The following RNF6 variants were observed in gnomAD, a reference collection of about 807,000 sequenced individuals.
The protein encoded by RNF6 is ring finger protein 6.
Under a neutral mutation model 50.1 loss-of-function variants are expected in RNF6, and 21 were observed. That is an observed-to-expected ratio of 0.42 (90% CI 0.30 to 0.60). RNF6 has a LOEUF of 0.60. Among genes scored for constraint, RNF6 ranks in the 20% least tolerant of loss-of-function variants. The pLI is 0.20. For synonymous variants in RNF6, 255 were observed against 291.8 expected, an observed-to-expected ratio of 0.87 and a Z score of 1.29; for missense variants, 698 against 838.2, an observed-to-expected ratio of 0.83 and a Z score of 2.07.
At chr13:26,156,826 T>C (rs886324318) in intron 5 of RNF6, among the ~76,000 whole-genome samples, 19 of 152,036 alleles carry the variant, frequency 1.2e-4, no homozygotes, top group African/African-American at 4.1e-4. Context: ...AAAAGACAAA[T>C]CAGTAGACCC....
chr13:26,144,030 G>A (rs890208963), intron 5 of RNF6, among the ~76,000 whole-genome samples: 1 of 152,148 alleles, frequency 6.6e-6, no homozygotes, highest in Non-Finnish European at 1.5e-5. Flanking sequence ...GCAGTCTAAT[G>A]TAATCAACCT....
At chr13:26,157,054 G>A (rs1047991854) in intron 5 of RNF6, among the ~76,000 whole-genome samples, 4 of 152,172 alleles carry the variant, frequency 2.6e-5, no homozygotes, top group Non-Finnish European at 4.4e-5. Context: ...GGTGTTGAGG[G>A]AAGTTGCAGT....
intron 5 of RNF6, among the ~76,000 whole-genome samples, chr13:26,146,353 T>C (rs536056440): frequency 6.6e-6 from 1 of 152,334 alleles, no homozygotes; most frequent in African/African-American, 2.4e-5. Context: ...CCTTTGGTGG[T>C]TGGGTGCTGC....
intron 5 of RNF6, chr13:26,154,308 T>C (rs1871792544): frequency 6.6e-6 from 1 of 152,248 alleles, no homozygotes; most frequent in Non-Finnish European, 1.5e-5. Context: ...CTGGTCCTTT[T>C]CTAGAGCTAT....
At chr13:26,209,462 A>AT (rs1330495922), downstream of RNF6, among the ~76,000 whole-genome samples, 1 of 152,136 alleles carries the variant, frequency 6.6e-6, no homozygotes, top group Non-Finnish European at 1.5e-5. Context: ...TTTTTGTTTG[A>AT]TTTTTATTCC....
intron 5 of RNF6, among the ~76,000 whole-genome samples, chr13:26,159,348 G>T (rs1259379254): frequency 6.6e-5 from 10 of 152,022 alleles, no homozygotes; most frequent in Admixed American, 2.0e-4. Flanking sequence ...TTTATTGCCG[G>T]GTGCGGTGGC....
chr13:26,137,847 G>A (rs1446642406), intron 5 of RNF6, among the ~76,000 whole-genome samples: 1 of 151,930 alleles, frequency 6.6e-6, no homozygotes, highest in South Asian at 2.1e-4. Flanking sequence ...AACAGTCTTA[G>A]AGACCTATGA....
intron 5 of RNF6, among the ~76,000 whole-genome samples, chr13:26,203,465 C>T (rs1183477468): frequency 6.6e-6 from 1 of 152,228 alleles, no homozygotes; most frequent in African/African-American, 2.4e-5. Flanking sequence ...CATGGAGGTG[C>T]ACCACTTAAG....
In RNF6 at chr13:26,219,435, T is replaced by C. The variant is rs1355571625; in HGVS notation, c.193+22A>G. On this transcript the variant is annotated intron_variant, in intron 3 of 4. Coordinates refer to ENST00000381588, the MANE Select transcript of RNF6 (RefSeq NM_005977.4). ...ATCTAAATGATGAAAAAAGGGTGTT[T>C]CCTCTTTTACCCATCTCTTACCAGG... 3 of 1,541,462 alleles carry C rather than the reference T, an allele frequency of 1.9e-6. No homozygotes were observed. In the Admixed American group the frequency reaches 5.4e-5, roughly 28 times the overall value.
At chr13:26,134,353 C>T (rs536653753) in intron 5 of RNF6, among the ~76,000 whole-genome samples, 1 of 152,362 alleles carries the variant, frequency 6.6e-6, no homozygotes, top group Middle Eastern at 3.4e-3. Context: ...CCTACTCGGC[C>T]TTTGCCGGCA....
intron 5 of RNF6, among the ~76,000 whole-genome samples, chr13:26,183,275 AT>A (rs1566424521): frequency 6.6e-6 from 1 of 152,240 alleles, no homozygotes; most frequent in Non-Finnish European, 1.5e-5. Flanking sequence ...ACGAGAACAG[AT>A]TCACTAATTG....
rs184359787 is a variant in RNF6, at chr13:26,185,613, G to T, written n.768+29861C>A. 4.6e-5 allele frequency among the ~76,000 whole-genome samples: 7 copies of T among 152,246 alleles called. No individual in the cohort carries two copies. In the East Asian group the frequency reaches 1.4e-3, roughly 29 times the overall value. On this transcript the variant is annotated intron_variant and non_coding_transcript_variant, in intron 5 of 5. Coordinates refer to the RNF6 transcript ENST00000468480. Reference sequence around the variant, plus strand: ...TACAAAAAATTAGCCTGGCGTGGTGGCAGGCGCCTGTTATCACAGCTACTT... The same window carrying T: ...TACAAAAAATTAGCCTGGCGTGGTGTCAGGCGCCTGTTATCACAGCTACTT...
chr13:26,174,584 A>C (rs944577595), intron 5 of RNF6, among the ~76,000 whole-genome samples: 16 of 152,234 alleles, frequency 1.1e-4, no homozygotes, highest in African/African-American at 3.1e-4. Context: ...AATCACTTGA[A>C]TCCGGGAGGC....
chr13:26,135,322 T>C (rs9581548), intron 5 of RNF6, among the ~76,000 whole-genome samples: 26,586 of 152,094 alleles, frequency 0.17, 2,397 homozygotes, highest in Admixed American at 0.22. Context: ...TTATAGCACA[T>C]ACTTTTTATA....
intron 5 of RNF6, among the ~76,000 whole-genome samples, chr13:26,168,313 G>A (rs1384033798): frequency 6.6e-6 from 1 of 152,164 alleles, no homozygotes; most frequent in African/African-American, 2.4e-5. Flanking sequence ...GAATAAGTGA[G>A]AGCAGAGCCC....
chr13:26,193,947 T>C (rs1485735743), intron 5 of RNF6, among the ~76,000 whole-genome samples: 3 of 152,172 alleles, frequency 2.0e-5, no homozygotes, highest in African/African-American at 7.2e-5. Flanking sequence ...CTTAGTGAAA[T>C]AGAGAGTAGA....
At chr13:26,216,347 A>G (rs546875349) in intron 4 of RNF6, among the ~76,000 whole-genome samples, 1 of 152,348 alleles carries the variant, frequency 6.6e-6, no homozygotes, top group South Asian at 2.1e-4. Flanking sequence ...GCTGTTATAC[A>G]TAATAAAATA....
intron 5 of RNF6, among the ~76,000 whole-genome samples, chr13:26,205,568 C>T (rs552350166): frequency 6.6e-6 from 1 of 152,290 alleles, no homozygotes; most frequent in Admixed American, 6.5e-5. Context: ...TTGCTTTTCA[C>T]CTGAACAAAC....
At chr13:26,208,892 TC>T (rs1869208304), downstream of RNF6, among the ~76,000 whole-genome samples, 1 of 152,056 alleles carries the variant, frequency 6.6e-6, no homozygotes, top group Admixed American at 6.6e-5. Context: ...TCCTAACTAT[TC>T]CAGAGGCAAA....
Sources: allele counts gnomAD v4.1 joint callset (sites outside exome capture counted in the v4.1 genomes callset), GRCh38; gene constraint gnomAD v4.1.1; transcripts MANE v1.5; gene names NCBI Gene and HGNC (gene_info 2026-07-23, HGNC 2026-07-21).